The following BMPER variants were observed in gnomAD, a reference collection of about 807,000 sequenced individuals.
BMPER encodes BMP-binding endothelial regulator protein.
In BMPER, 45 loss-of-function variants were observed where a neutral mutation model predicts 87.3. The ratio of observed to expected loss-of-function variants is 0.52; its 90% confidence interval spans 0.41 to 0.66. BMPER has a LOEUF of 0.66. Among genes scored for constraint, BMPER ranks in the 30% least tolerant of loss-of-function variants. The probability of loss-of-function intolerance (pLI) is 0.00; values close to 1 mark genes in which losing one functional copy is unlikely to be tolerated. For synonymous variants in BMPER, 326 were observed against 316.2 expected (o/e 1.03, Z -0.33); for missense variants, 784 against 867.5 (o/e 0.90, Z 1.21).
chr7:33,994,461 G>T (rs1210398416), intron 6 of BMPER, among the ~76,000 whole-genome samples: 3 of 152,186 alleles, frequency 2.0e-5, no homozygotes, highest in African/African-American at 4.8e-5. Context: ...GTGAGGCAAT[G>T]CCTCACCCTG....
rs1450273730 is a variant in BMPER, at chr7:33,974,708, T to G, written c.500T>G (p.Val167Gly). 6.2e-7 allele frequency: 1 copy of G among 1,613,972 alleles called. No individual in the cohort carries two copies. Among genetic ancestry groups the G allele is most frequent in the East Asian group, 2.2e-5 (1 of 44,856 alleles). Residue 167 changes from valine (V) to glycine (G), a missense_variant, in exon 6 of 15, where the codon GTG becomes GGG. Coordinates refer to ENST00000649409, the MANE Select transcript of BMPER (RefSeq NM_001365308.1). Reference protein sequence around the residue: ...GMCCPTCPGCVFEGVQYQEGE... With the variant: ...GMCCPTCPGCGFEGVQYQEGE... The stretch of plus-strand genomic sequence containing the variant: ...ACTCTTGTCTGCTTTCCAGGCTGTG[T>G]GTTTGAGGGTGTGCAGTATCAAGAA...
chr7:34,016,601 T>A (rs899163646), intron 6 of BMPER, among the ~76,000 whole-genome samples: 22 of 151,990 alleles, frequency 1.4e-4, no homozygotes, highest in African/African-American at 4.6e-4. Flanking sequence ...AATTACTGAG[T>A]TTGAACCAAT....
intron 13 of BMPER, among the ~76,000 whole-genome samples, chr7:34,119,642 G>A (rs17825540): frequency 0.17 from 25,184 of 152,064 alleles, 2,337 homozygotes; most frequent in Non-Finnish European, 0.2. Context: ...AAAGGAAATA[G>A]AAGGCAGGAA....
chr7:33,976,375 A>T (rs1785688404), intron 6 of BMPER, among the ~76,000 whole-genome samples: 1 of 152,000 alleles, frequency 6.6e-6, no homozygotes, highest in African/African-American at 2.4e-5. Flanking sequence ...CTGGTCTCGA[A>T]CTCCTGACCT....
chr7:33,944,098 T>TG lies in BMPER; in HGVS notation c.319+6714dup, dbSNP rs1784826346. Among the ~76,000 whole-genome samples, 4 of 152,238 alleles carry TG rather than the reference T, an allele frequency of 2.6e-5. No homozygotes were observed. The South Asian group carries it at 8.3e-4, about 32-fold the overall frequency. On this transcript the variant is annotated intron_variant, in intron 3 of 14. Coordinates refer to ENST00000649409, the MANE Select transcript of BMPER (RefSeq NM_001365308.1). ...TAGAATATAGGCTAGATGAAGAATG[T>TG]GGGGAATGTTTTACTGGCCTCTTAT...
At chr7:34,012,598 G>A (rs1188690492) in intron 6 of BMPER, among the ~76,000 whole-genome samples, 1 of 151,842 alleles carries the variant, frequency 6.6e-6, no homozygotes, top group Non-Finnish European at 1.5e-5. Flanking sequence ...TTCTTAGAGT[G>A]CAGTTGGGTG....
chr7:34,031,269 A>G (rs1392953988), intron 6 of BMPER, among the ~76,000 whole-genome samples: 1 of 152,068 alleles, frequency 6.6e-6, no homozygotes, highest in Non-Finnish European at 1.5e-5. Context: ...TGTTTGTGTC[A>G]TTGGTAAAGG....
intron 12 of BMPER, among the ~76,000 whole-genome samples, chr7:34,084,949 G>C (rs930246536): frequency 9.2e-5 from 14 of 152,228 alleles, no homozygotes; most frequent in Admixed American, 8.5e-4. Flanking sequence ...GGAGTAAAGA[G>C]AATTTCCTTG....
rs559771620 is a variant in BMPER, at chr7:33,982,080, C to T, written c.576+7296C>T. 7.2e-5 allele frequency among the ~76,000 whole-genome samples: 11 copies of T among 152,324 alleles called. No individual in the cohort carries two copies. In the East Asian group the frequency reaches 2.1e-3, roughly 29 times the overall value. On this transcript the variant is annotated intron_variant, in intron 6 of 14. Transcript: ENST00000649409. ...TGACCTCCTCCTGCTCCAGCATCTCCAGCTCAGATTGCAGTTCTCTGCAAT... is the reference window on the plus strand; with the variant it reads ...TGACCTCCTCCTGCTCCAGCATCTCTAGCTCAGATTGCAGTTCTCTGCAAT...
chr7:34,136,133 C>T (rs1216677744), intron 13 of BMPER, among the ~76,000 whole-genome samples: 1 of 152,114 alleles, frequency 6.6e-6, no homozygotes, highest in Non-Finnish European at 1.5e-5. Flanking sequence ...CTGGGGCTGG[C>T]CCAGGAAAGC....
At chr7:34,009,413 G>A (rs970762834) in intron 6 of BMPER, among the ~76,000 whole-genome samples, 1 of 151,880 alleles carries the variant, frequency 6.6e-6, no homozygotes, top group Admixed American at 6.6e-5. Flanking sequence ...GTGGAAGGGA[G>A]GACTTGCTTT....
intron 11 of BMPER, among the ~76,000 whole-genome samples, chr7:34,065,853 T>C (rs1788575691): frequency 6.6e-6 from 1 of 152,244 alleles, no homozygotes; most frequent in Non-Finnish European, 1.5e-5. Context: ...TTACTTTTTA[T>C]GTCTGTAAGC....
At position 34,079,116 on chromosome 7, in the gene BMPER, G is replaced by A; in HGVS notation, c.1338G>A (p.Ala446=). The A allele has an allele frequency of 1.9e-6, 3 of 1,613,658 alleles. No homozygotes were observed. The highest frequency in any genetic ancestry group is 2.2e-5 in the East Asian group (1 of 44,842). The change falls in exon 12 of 15, where the codon GCG becomes GCA. Residue 446 remains alanine (A), a synonymous_variant. Coordinates refer to ENST00000649409, the MANE Select transcript of BMPER (RefSeq NM_001365308.1). ...LTVRWNGSRI[A]LPCRAPHFHI... is the part of the protein sequence containing the mutation. ...TGCGCTGGAACGGCTCGCGCATCGC[G>A]CTCCCCTGCCGCGCGCCACACTTCC...
chr7:33,993,673 C>T (rs1786302367), intron 6 of BMPER, among the ~76,000 whole-genome samples: 1 of 152,050 alleles, frequency 6.6e-6, no homozygotes, highest in East Asian at 1.9e-4. Context: ...GAGCTGCGTT[C>T]CTTTGGAGGA....
intron 3 of BMPER, among the ~76,000 whole-genome samples, chr7:33,964,943 A>T (rs1785367485): frequency 6.6e-6 from 1 of 152,190 alleles, no homozygotes; most frequent in African/African-American, 2.4e-5. Flanking sequence ...ATCTCTCGGA[A>T]CAAGTTATTT....
intron 6 of BMPER, 89 bp downstream of exon 6, chr7:33,974,873 T>C (rs1482599407): frequency 3.1e-6 from 4 of 1,270,408 alleles, no homozygotes; most frequent in Non-Finnish European, 4.6e-6. Flanking sequence ...CTACAGCCTC[T>C]CTCTCGTCTC....
intron 6 of BMPER, among the ~76,000 whole-genome samples, chr7:34,045,769 A>C (rs1787947271): frequency 6.6e-6 from 1 of 152,160 alleles, no homozygotes. Context: ...AGCACCTTCC[A>C]GCTGTGGCAG....
chr7:34,102,155 T>TG (rs1789697437), intron 13 of BMPER, among the ~76,000 whole-genome samples: 1 of 151,426 alleles, frequency 6.6e-6, no homozygotes, highest in African/African-American at 2.4e-5. Flanking sequence ...CATTTTTTTT[T>TG]GCCACATCTT....
Position 34,074,409 on chromosome 7 carries a change from G to A in BMPER, c.1079-4448G>A, listed in dbSNP as rs76670004. Among the ~76,000 whole-genome samples, 35 of 152,336 alleles carry A rather than the reference G, an allele frequency of 2.3e-4. No homozygotes were observed. The East Asian group carries it at 3.1e-3, about 13-fold the overall frequency. On this transcript the variant is annotated intron_variant, in intron 11 of 14. Coordinates refer to ENST00000649409, the MANE Select transcript of BMPER (RefSeq NM_001365308.1). ...GCTCCTGAATGGAGAAGTTCGGGTC[G>A]TTCTGGGTTGCACCACAGCCTCTTT...
Sources: gnomAD v4.1 joint callset for allele counts (sites outside exome capture counted in the v4.1 genomes callset) on GRCh38, gnomAD v4.1.1 for gene constraint, MANE v1.5 for transcripts, NCBI Gene and HGNC (gene_info 2026-07-23, HGNC 2026-07-21) for gene names.